Variants in CDH11 observed in about 807,000 individuals in gnomAD.
The protein encoded by CDH11 is cadherin-11.
Under a neutral mutation model 67.8 loss-of-function variants are expected in CDH11, and 11 were observed. That is an observed-to-expected ratio of 0.16 (90% CI 0.10 to 0.27). The LOEUF (loss-of-function observed/expected upper bound fraction) is 0.27, where lower values mean the gene tolerates loss of function less well. CDH11 is among the 10% of genes least tolerant of loss of function. The pLI is 1.00. For missense variants in CDH11, 847 were observed against 1,031.2 expected (o/e 0.82, Z 2.45); for synonymous variants, 419 against 400.0 (o/e 1.05, Z -0.57).
chr16:65,081,340 G>T (rs907486882), intron 1 of CDH11, among the ~76,000 whole-genome samples: 2 of 152,114 alleles, frequency 1.3e-5, no homozygotes, highest in Non-Finnish European at 2.9e-5. Context: ...AGGCCAAGGC[G>T]GGCAGATCAC....
intron 2 of CDH11, among the ~76,000 whole-genome samples, chr16:65,008,583 TC>T (rs2073112022): frequency 6.6e-6 from 1 of 152,206 alleles, no homozygotes; most frequent in East Asian, 1.9e-4. Flanking sequence ...AATATTCTTC[TC>T]TTAAAGGATG....
intron 1 of CDH11, among the ~76,000 whole-genome samples, chr16:65,093,538 G>T (rs1597185392): frequency 6.6e-6 from 1 of 151,930 alleles, no homozygotes; most frequent in Admixed American, 6.6e-5. Context: ...TTTAATTAGG[G>T]ATTATTTTTC....
rs555234362 is a variant in CDH11, at chr16:65,058,179, GC to G, written c.-297-4252del. Reference sequence around the variant, plus strand: ...CGAGGCTGCAGTGAGCCAAAATAGCGCCACGGTACTCCAGCCTGGGTGACAA... The same window carrying G: ...CGAGGCTGCAGTGAGCCAAAATAGCGCACGGTACTCCAGCCTGGGTGACAA... On this transcript the variant is annotated intron_variant, in intron 1 of 12. Coordinates refer to ENST00000268603, the MANE Select transcript of CDH11 (RefSeq NM_001797.4). Among the ~76,000 whole-genome samples, 24 of 152,196 alleles carry G rather than the reference GC, an allele frequency of 1.6e-4. No homozygotes were observed. The South Asian group carries it at 4.8e-3, about 30-fold the overall frequency.
chr16:65,097,249 CA>C (rs1262027209), intron 1 of CDH11, among the ~76,000 whole-genome samples: 1 of 152,218 alleles, frequency 6.6e-6, no homozygotes, highest in Non-Finnish European at 1.5e-5. Flanking sequence ...GTTGGGACTG[CA>C]TGGGGACCTG....
chr16:64,983,101 GATA>G (rs1161320943), intron 7 of CDH11: 1 of 149,884 alleles, frequency 6.7e-6, no homozygotes, highest in Non-Finnish European at 1.5e-5. Context: ...CAAGTGACAA[GATA>G]ATAAGGGAAA....
intron 2 of CDH11, among the ~76,000 whole-genome samples, chr16:65,048,098 C>T (rs1424494614): frequency 6.6e-6 from 1 of 152,168 alleles, no homozygotes; most frequent in Non-Finnish European, 1.5e-5. Context: ...TAGTCCAAAG[C>T]CTAACATAGG....
At chr16:64,997,812 C>T (rs1038378796) in intron 4 of CDH11, among the ~76,000 whole-genome samples, 2 of 152,158 alleles carry the variant, frequency 1.3e-5, no homozygotes, top group African/African-American at 4.8e-5. Context: ...TGGATTTTCT[C>T]ATCTGTAAAA....
At chr16:65,100,521 G>A (rs1044916108) in intron 1 of CDH11, among the ~76,000 whole-genome samples, 3 of 152,154 alleles carry the variant, frequency 2.0e-5, no homozygotes, top group Non-Finnish European at 2.9e-5. Flanking sequence ...GGCAGATCAC[G>A]AGGTCAGGAA....
At chr16:65,086,861 A>T (rs972855526) in intron 1 of CDH11, among the ~76,000 whole-genome samples, 1 of 152,230 alleles carries the variant, frequency 6.6e-6, no homozygotes, top group Admixed American at 6.5e-5. Context: ...AGGCCAGGGT[A>T]TGGTATAGAG....
intron 11 of CDH11, among the ~76,000 whole-genome samples, chr16:64,960,897 T>G (rs1214885337): frequency 1.3e-5 from 2 of 152,082 alleles, no homozygotes; most frequent in African/African-American, 4.8e-5. Flanking sequence ...GGGGCAAGGA[T>G]GGAGTCAGAC....
intron 1 of CDH11, among the ~76,000 whole-genome samples, chr16:65,117,302 AT>A (rs2075259560): frequency 6.6e-6 from 1 of 152,188 alleles, no homozygotes; most frequent in African/African-American, 2.4e-5. Context: ...AAAAACACAA[AT>A]AAGTAGCCAC....
chr16:65,087,433 G>A (rs1248407329), intron 1 of CDH11, among the ~76,000 whole-genome samples: 1 of 152,110 alleles, frequency 6.6e-6, no homozygotes, highest in Admixed American at 6.6e-5. Flanking sequence ...ACCATGGGAA[G>A]GTATCAAGCA....
rs57645922 is a variant in CDH11 at position 65,033,237 on chromosome 16, A to AACACACACACACACAC, written c.-173+20551_-173+20566dup. On this transcript the variant is annotated intron_variant, in intron 2 of 12. Transcript: ENST00000268603. ...TGACACCCCACAAGTAAACTAGGAA[A>AACACACACACACACAC]ACACACACACACACACACACACACA... Among the ~76,000 whole-genome samples, 909 of 139,592 alleles carry AACACACACACACACAC rather than the reference A, an allele frequency of 6.5e-3. 7 individuals carry two copies. Among genetic ancestry groups the AACACACACACACACAC allele is most frequent in the African/African-American group, 0.017 (640 of 38,108 alleles). 91.6% of individuals were successfully genotyped at this position (139,592 alleles called of 152,430 possible). A position where few individuals can be genotyped will look rare whatever the true frequency, so the allele number is the denominator to read the frequency against.
chr16:64,992,947 C>T lies in CDH11; in HGVS notation c.611G>A (p.Gly204Glu). The T allele has an allele frequency of 6.2e-7, 1 of 1,613,302 alleles. No individual in the cohort carries two copies. The change falls in exon 5 of 13, where the codon GGA (glycine) becomes GAA (glutamate). Residue 204 changes from glycine (G) to glutamate (E), a missense_variant. Gly to Glu is a moderately conservative substitution (Grantham distance 98). Around this residue, in one of 2 missense-constraint regions of CDH11, gnomAD observed 235 missense variants for 352.5 expected, o/e 0.67. Coordinates refer to ENST00000268603, the MANE Select transcript of CDH11 (RefSeq NM_001797.4). Reference sequence around the variant, plus strand: ...TGCTTCCACCGAAAAATAGGGTTGTCCTTCGAGGATACTGTACACTAACTT... The same window carrying T: ...TGCTTCCACCGAAAAATAGGGTTGTTCTTCGAGGATACTGTACACTAACTT... ...SAKLVYSILE[G>E]QPYFSVEAQT...
chr16:65,043,937 G>A (rs931669246), intron 2 of CDH11, among the ~76,000 whole-genome samples: 3 of 151,960 alleles, frequency 2.0e-5, no homozygotes, highest in East Asian at 1.9e-4. Context: ...TTTGGGCCTC[G>A]TTTTATTCTT....
intron 2 of CDH11, among the ~76,000 whole-genome samples, chr16:65,035,490 G>A (rs2073735578): frequency 6.6e-6 from 1 of 152,090 alleles, no homozygotes; most frequent in East Asian, 1.9e-4. Context: ...ACTCTTAATG[G>A]GCGCTTGCTA....
intron 2 of CDH11, among the ~76,000 whole-genome samples, chr16:65,051,651 G>A (rs1422487332): frequency 6.6e-6 from 1 of 152,132 alleles, no homozygotes; most frequent in Non-Finnish European, 1.5e-5. Flanking sequence ...AAGTGTGAAG[G>A]GAGGGAGGTG....
intron 2 of CDH11, among the ~76,000 whole-genome samples, chr16:65,033,076 C>T (rs888505435): frequency 2.0e-5 from 3 of 152,144 alleles, no homozygotes; most frequent in African/African-American, 7.2e-5. Context: ...TGACAGCAAG[C>T]CTGTTAAAGG....
intron 7 of CDH11, chr16:64,985,651 C>T (rs1198664757): frequency 6.6e-6 from 1 of 151,382 alleles, no homozygotes; most frequent in Non-Finnish European, 1.5e-5. Context: ...AGTGATTTTG[C>T]TCCCAGTTAC....
Sources: allele counts gnomAD v4.1 joint callset (sites outside exome capture counted in the v4.1 genomes callset), GRCh38; gene constraint gnomAD v4.1.1; regional missense constraint gnomAD v4.1.1; transcripts MANE v1.5; gene names NCBI Gene and HGNC (gene_info 2026-07-23, HGNC 2026-07-21).